The following SCEL variants were observed in gnomAD, a reference collection of about 807,000 sequenced individuals.
The protein encoded by SCEL is sciellin.
In SCEL, 113 loss-of-function variants were observed where a neutral mutation model predicts 117.6. The ratio of observed to expected loss-of-function variants is 0.96; its 90% confidence interval spans 0.83 to 1.12. The LOEUF (loss-of-function observed/expected upper bound fraction) is 1.12, where lower values mean the gene tolerates loss of function less well. Among genes scored for constraint, SCEL ranks in the 50% most tolerant of loss-of-function variants. The pLI is 0.00. For synonymous variants in SCEL, 270 were observed against 256.2 expected, an observed-to-expected ratio of 1.05 and a Z score of -0.51; for missense variants, 785 against 810.8, an observed-to-expected ratio of 0.97 and a Z score of 0.39.
In SCEL at chr13:77,634,416, A is replaced by G. The variant is rs1453376452; in HGVS notation, c.1729A>G (p.Thr577Ala). 44 of 1,613,194 alleles carry G rather than the reference A, an allele frequency of 2.7e-5. No homozygotes were observed. The highest frequency in any genetic ancestry group is 3.6e-5 in the Non-Finnish European group (43 of 1,179,410). Residue 577 changes from threonine (T) to alanine (A), a missense_variant, in exon 29 of 33, where the codon ACT (threonine) becomes GCT (alanine). By Grantham distance (58) the Thr-to-Ala change is moderately conservative. Transcript: ENST00000349847. ...TGAKQAGPQDTVVYTRTYVEN... is the reference protein window; with the variant it reads ...TGAKQAGPQDAVVYTRTYVEN... ...AGCCAAGCAGGCAGGACCACAGGAT[A>G]CTGTTGTGTACACAAGGACATATGT...
intron 3 of SCEL, among the ~76,000 whole-genome samples, chr13:77,557,232 C>G (rs1037012911): frequency 2.0e-5 from 3 of 152,204 alleles, no homozygotes; most frequent in East Asian, 1.9e-4. Flanking sequence ...TAAGTACTTA[C>G]AACCAACAAA....
chr13:77,624,252 C>A (rs1594157964), intron 27 of SCEL, among the ~76,000 whole-genome samples: 1 of 151,872 alleles, frequency 6.6e-6, no homozygotes, highest in African/African-American at 2.4e-5. Context: ...ATTACAGGCA[C>A]CTGCCACCAC....
At chr13:77,563,125 C>T (rs772018291) in intron 4 of SCEL, among the ~76,000 whole-genome samples, 17 of 150,996 alleles carry the variant, frequency 1.1e-4, no homozygotes, top group African/African-American at 1.7e-4. Flanking sequence ...TTTCTAAATT[C>T]CCCCCCCATT....
At chr13:77,621,284 C>T (rs780924824) in intron 27 of SCEL, among the ~76,000 whole-genome samples, 5 of 152,182 alleles carry the variant, frequency 3.3e-5, no homozygotes, top group Non-Finnish European at 5.9e-5. Context: ...TCTAAGCCCA[C>T]CACGATCTGG....
In SCEL at chr13:77,644,818, A is replaced by G. The variant is rs1020751022; in HGVS notation, c.*544A>G. 1 of 152,574 alleles carries G rather than the reference A, an allele frequency of 6.6e-6. No homozygotes were observed. Among genetic ancestry groups the G allele is most frequent in the African/African-American group, 2.4e-5 (1 of 41,454 alleles). The allele number at this position is 152,574 out of a possible 1,614,324, so 9.5% of individuals were successfully genotyped here. On this transcript the variant is annotated 3_prime_UTR_variant, in exon 33 of 33. Coordinates refer to ENST00000349847, the MANE Select transcript of SCEL (RefSeq NM_144777.3). ...CCAGATCTCTGTCCTATTATTTGTAACACAAGGGGCATTGGATAAAATGAT... is the reference window on the plus strand; with the variant it reads ...CCAGATCTCTGTCCTATTATTTGTAGCACAAGGGGCATTGGATAAAATGAT...
rs1056786395 is a variant in SCEL, at chr13:77,542,043, T to C, written c.-20+6219T>C. Reference sequence around the variant, plus strand: ...TATTAATGAATATTAGACCAGTGTTTTTTGTAAAATGAAATAATTATAGGC... The same window carrying C: ...TATTAATGAATATTAGACCAGTGTTCTTTGTAAAATGAAATAATTATAGGC... On this transcript the variant is annotated intron_variant, in intron 1 of 32. Transcript: ENST00000349847. Among the ~76,000 whole-genome samples the C allele has an allele frequency of 2.0e-5, 3 of 152,208 alleles. No individual in the cohort carries two copies. In the East Asian group the frequency reaches 5.8e-4, roughly 29 times the overall value.
In SCEL at chr13:77,559,854, C is replaced by T. The variant is rs1247416715; in HGVS notation, c.212C>T (p.Ala71Val). 1 of 1,613,156 alleles carries T rather than the reference C, an allele frequency of 6.2e-7. No homozygotes were observed. The highest frequency in any genetic ancestry group is 1.1e-5 in the South Asian group (1 of 90,976). The change falls in exon 4 of 33, where the codon GCA (alanine) becomes GTA (valine). Residue 71 changes from alanine to valine, a missense_variant. Ala to Val is a moderately conservative substitution (Grantham distance 64). Transcript: ENST00000349847. ...VVLNRHNSHD[A>V]LDRKVNERDV... Reference sequence around the variant, plus strand: ...CTCAACCGACATAATTCCCATGATGCATTGGACAGGTGGGTGTTTAGACAT... The same window carrying T: ...CTCAACCGACATAATTCCCATGATGTATTGGACAGGTGGGTGTTTAGACAT...
At chr13:77,604,654 G>T (rs1347395381) in intron 19 of SCEL, among the ~76,000 whole-genome samples, 1 of 152,166 alleles carries the variant, frequency 6.6e-6, no homozygotes, top group East Asian at 1.9e-4. Flanking sequence ...GGGAATTTGG[G>T]CTGACCTTCT....
At chr13:77,569,038 ATTAG>A (rs1020443272) in intron 7 of SCEL, among the ~76,000 whole-genome samples, 8 of 152,216 alleles carry the variant, frequency 5.3e-5, no homozygotes, top group Non-Finnish European at 1.2e-4. Context: ...CCGCAACATA[ATTAG>A]TTAGTCACAA....
chr13:77,626,306 C>T (rs538483245), intron 27 of SCEL, among the ~76,000 whole-genome samples: 3 of 152,140 alleles, frequency 2.0e-5, no homozygotes, highest in Admixed American at 6.5e-5. Flanking sequence ...CTGGCTCCAC[C>T]CTTGACACAT....
At chr13:77,613,515 G>A (rs536937565) in intron 23 of SCEL, among the ~76,000 whole-genome samples, 1 of 152,222 alleles carries the variant, frequency 6.6e-6, no homozygotes, top group East Asian at 1.9e-4. Flanking sequence ...AGCATTGTGT[G>A]GATGTAAGGG....
At chr13:77,599,427 C>A in intron 14 of SCEL, 39 bp downstream of exon 14, 1 of 1,531,272 alleles carries the variant, frequency 6.5e-7, no homozygotes, top group East Asian at 2.3e-5. Context: ...TCTTACCTTG[C>A]AGATTGCTCG....
intron 9 of SCEL, among the ~76,000 whole-genome samples, chr13:77,576,334 ATTT>A (rs2085941491): frequency 6.6e-6 from 1 of 151,512 alleles, no homozygotes; most frequent in African/African-American, 2.4e-5. Context: ...ACTCTGCTGG[ATTT>A]TCTTTCTTTT....
At chr13:77,554,535 T>A (rs867438050) in intron 1 of SCEL, among the ~76,000 whole-genome samples, 3 of 152,354 alleles carry the variant, frequency 2.0e-5, no homozygotes, top group Middle Eastern at 3.4e-3. Flanking sequence ...CAGGAAATAC[T>A]TTCACATTAG....
At chr13:77,575,432 C>T (rs1378101201) in intron 9 of SCEL, among the ~76,000 whole-genome samples, 1 of 152,020 alleles carries the variant, frequency 6.6e-6, no homozygotes, top group East Asian at 1.9e-4. Context: ...GTGAGGTTAA[C>T]TACAGCTGAA....
intron 1 of SCEL, among the ~76,000 whole-genome samples, chr13:77,541,210 T>C (rs4583108): frequency 0.14 from 21,508 of 152,114 alleles, 1,850 homozygotes; most frequent in East Asian, 0.38. Context: ...AAATATATAA[T>C]AATTGTCAAT....
chr13:77,615,521 A>G (rs1013425996), intron 24 of SCEL, among the ~76,000 whole-genome samples: 3 of 152,136 alleles, frequency 2.0e-5, no homozygotes, highest in Non-Finnish European at 4.4e-5. Context: ...TGATTGCAAA[A>G]CACTTTACAG....
intron 1 of SCEL, among the ~76,000 whole-genome samples, chr13:77,548,743 GT>G (rs1396964134): frequency 6.6e-6 from 1 of 152,176 alleles, no homozygotes; most frequent in Non-Finnish European, 1.5e-5. Context: ...ATGAAGGGCA[GT>G]TCCCCTGCAC....
At chr13:77,555,811 C>A in intron 1 of SCEL, 46 bp from the exon 2 acceptor site, 1 of 1,251,352 alleles carries the variant, frequency 8.0e-7, no homozygotes, top group Non-Finnish European at 1.2e-6. Context: ...CTTACAGGTT[C>A]TCAGAGTCAT....
Sources: gnomAD v4.1 joint callset for allele counts (sites outside exome capture counted in the v4.1 genomes callset) on GRCh38, gnomAD v4.1.1 for gene constraint, MANE v1.5 for transcripts, NCBI Gene and HGNC (gene_info 2026-07-23, HGNC 2026-07-21) for gene names.